Variants in GALNT13 observed in about 807,000 individuals in gnomAD.
GALNT13 encodes polypeptide N-acetylgalactosaminyltransferase 13, also known as UDP-GalNAc:polypeptide N-acetylgalactosaminyltransferase 13.
GALNT13 carries 28 observed loss-of-function variants against 64.2 expected under a neutral mutation model. The ratio of observed to expected loss-of-function variants is 0.44; its 90% CI spans 0.32 to 0.60. The LOEUF is 0.60. Among genes scored for constraint, GALNT13 ranks in the 20% least tolerant of loss-of-function variants. The pLI is 0.05. For missense variants in GALNT13, 577 were observed against 669.8 expected, an observed-to-expected ratio of 0.86 and a Z score of 1.53; for synonymous variants, 214 against 224.6, an observed-to-expected ratio of 0.95 and a Z score of 0.42.
chr2:153,339,887 C>T, the GALNT13 span, among the ~76,000 whole-genome samples: 3 of 152,040 alleles, frequency 2.0e-5, no homozygotes, highest in Non-Finnish European at 1.5e-5. Flanking sequence ...TTCTTGTATC[C>T]TTGTGAAAGA....
the GALNT13 span, among the ~76,000 whole-genome samples, chr2:153,165,062 A>G: frequency 6.6e-6 from 1 of 152,218 alleles, no homozygotes; most frequent in Non-Finnish European, 1.5e-5. Context: ...TCTGACCTGC[A>G]TATAAGCCTT....
chr2:154,425,762 C>T lies in GALNT13; in HGVS notation c.1396-12830C>T, dbSNP rs144088434. Among the ~76,000 whole-genome samples, 4 of 152,184 alleles carry T rather than the reference C, an allele frequency of 2.6e-5. No homozygotes were observed. In the East Asian group the frequency reaches 7.7e-4, roughly 29 times the overall value. On this transcript the variant is annotated intron_variant, in intron 11 of 12. Coordinates refer to ENST00000392825, the MANE Select transcript of GALNT13 (RefSeq NM_052917.4). ...TTAGATGTATGTGTATTGAATTCAGCAGTTCATGAAGGTGATGTGTAATTT... is the reference window on the plus strand; with the variant it reads ...TTAGATGTATGTGTATTGAATTCAGTAGTTCATGAAGGTGATGTGTAATTT...
the GALNT13 span, among the ~76,000 whole-genome samples, chr2:153,374,894 T>C: frequency 6.6e-6 from 1 of 152,202 alleles, no homozygotes; most frequent in Admixed American, 6.5e-5. Flanking sequence ...GCTGCTGCTA[T>C]TACCAATTCT....
intron 9 of GALNT13, among the ~76,000 whole-genome samples, chr2:154,367,509 A>C (rs148935522): frequency 2.0e-5 from 3 of 152,172 alleles, no homozygotes; most frequent in Admixed American, 6.5e-5. Flanking sequence ...CACAGTTTAC[A>C]TTCTGAAGCC....
intron 2 of GALNT13, among the ~76,000 whole-genome samples, chr2:153,918,806 G>A (rs1323013558): frequency 6.6e-6 from 1 of 152,032 alleles, no homozygotes. Context: ...ATGCATTTGT[G>A]CATAAATCTT....
chr2:154,269,930 A>ATATATGTGTATAT (rs1553506263), intron 8 of GALNT13, among the ~76,000 whole-genome samples: 2 of 142,882 alleles, frequency 1.4e-5, no homozygotes, highest in East Asian at 2.1e-4. Flanking sequence ...ATATATTTCT[A>ATATATGTGTATAT]AAGCACAGGG....
intron 4 of GALNT13, among the ~76,000 whole-genome samples, chr2:154,170,882 CAAAT>C (rs2105699621): frequency 6.6e-6 from 1 of 152,132 alleles, no homozygotes; most frequent in Non-Finnish European, 1.5e-5. Context: ...GATTTTTAAA[CAAAT>C]GAATAATACT....
intron 8 of GALNT13, among the ~76,000 whole-genome samples, chr2:154,274,285 G>T (rs778674171): frequency 6.6e-6 from 1 of 152,130 alleles, no homozygotes; most frequent in African/African-American, 2.4e-5. Flanking sequence ...GGGAACGATT[G>T]CTGTGGTCTA....
At chr2:154,219,668 T>A (rs1688223543) in intron 4 of GALNT13, among the ~76,000 whole-genome samples, 1 of 152,134 alleles carries the variant, frequency 6.6e-6, no homozygotes. Flanking sequence ...TTGAGCAGTC[T>A]TCAGAAGGCA....
At chr2:153,999,052 T>G (rs1695716939) in intron 3 of GALNT13, among the ~76,000 whole-genome samples, 1 of 152,116 alleles carries the variant, frequency 6.6e-6, no homozygotes, top group Non-Finnish European at 1.5e-5. Context: ...AAAACTACTT[T>G]AAATTTCATG....
intron 4 of GALNT13, among the ~76,000 whole-genome samples, chr2:154,161,486 G>A (rs1465685645): frequency 6.6e-6 from 1 of 152,084 alleles, no homozygotes; most frequent in African/African-American, 2.4e-5. Context: ...TGATTACGTG[G>A]GTGGCTGAGA....
At position 153,923,266 on chromosome 2, in the gene GALNT13, A is replaced by G. The variant is rs796766162; in HGVS notation, c.-104-21128A>G. On this transcript the variant is annotated intron_variant, in intron 2 of 12. Coordinates refer to ENST00000392825, the MANE Select transcript of GALNT13 (RefSeq NM_052917.4). ...AATGTATGTATTAGTTAATAGCTTTATTAATTCAGGTTGCTGCTTTTGTAC... is the reference window on the plus strand; with the variant it reads ...AATGTATGTATTAGTTAATAGCTTTGTTAATTCAGGTTGCTGCTTTTGTAC... Among the ~76,000 whole-genome samples, 14 of 152,300 alleles carry G rather than the reference A, an allele frequency of 9.2e-5. 1 individual carries two copies. Among genetic ancestry groups the G allele is most frequent in the African/African-American group, 3.4e-4 (14 of 41,580 alleles).
intron 4 of GALNT13, among the ~76,000 whole-genome samples, chr2:154,214,420 A>G (rs1687936523): frequency 6.6e-6 from 1 of 152,130 alleles, no homozygotes; most frequent in African/African-American, 2.4e-5. Flanking sequence ...CTTCTTATTT[A>G]AACAACATCA....
the GALNT13 span, among the ~76,000 whole-genome samples, chr2:153,281,413 C>T: frequency 0.34 from 51,827 of 151,652 alleles, 9,061 homozygotes; most frequent in Middle Eastern, 0.51. Context: ...TGTTTCCATA[C>T]TGATTATCAG....
At chr2:153,323,248 G>A in the GALNT13 span, among the ~76,000 whole-genome samples, 4 of 152,148 alleles carry the variant, frequency 2.6e-5, no homozygotes, top group South Asian at 2.1e-4. Context: ...CTAATGACCA[G>A]TGATGATGAG....
the GALNT13 span, among the ~76,000 whole-genome samples, chr2:153,535,025 G>A: frequency 6.6e-6 from 1 of 152,044 alleles, no homozygotes; most frequent in Non-Finnish European, 1.5e-5. Flanking sequence ...GAAAATTTTT[G>A]GGGGGTGGTA....
At chr2:154,355,161 T>C (rs1197349262) in intron 9 of GALNT13, among the ~76,000 whole-genome samples, 4 of 152,102 alleles carry the variant, frequency 2.6e-5, no homozygotes, top group African/African-American at 9.7e-5. Flanking sequence ...ATGTTTTTCT[T>C]CTTCCCAAGC....
intron 1 of GALNT13, among the ~76,000 whole-genome samples, chr2:153,897,598 C>T (rs926349065): frequency 6.6e-6 from 1 of 152,188 alleles, no homozygotes; most frequent in East Asian, 1.9e-4. Flanking sequence ...TACTTTTAGA[C>T]TGGAAATACC....
chr2:153,331,510 G>T, the GALNT13 span, among the ~76,000 whole-genome samples: 1 of 152,244 alleles, frequency 6.6e-6, no homozygotes, highest in South Asian at 2.1e-4. Flanking sequence ...TGAGGAGCAA[G>T]GAGAACCAGT....
Sources: allele counts gnomAD v4.1 joint callset (sites outside exome capture counted in the v4.1 genomes callset), GRCh38; gene constraint gnomAD v4.1.1; transcripts MANE v1.5; gene names NCBI Gene and HGNC (gene_info 2026-07-23, HGNC 2026-07-21).